The following IL22RA2 variants were observed in gnomAD, a reference collection of about 807,000 sequenced individuals.
IL22RA2 encodes interleukin 22 receptor subunit alpha 2.
Under a neutral mutation model 30.7 loss-of-function variants are expected in IL22RA2, and 39 were observed. The observed-to-expected ratio is 1.27, with a 90% confidence interval of 0.98 to 1.66. The LOEUF is 1.66. Among genes scored for constraint, IL22RA2 ranks in the 40% most tolerant of loss-of-function variants. The pLI is 0.00. For missense variants in IL22RA2, 315 were observed against 312.7 expected (o/e 1.01, Z -0.05); for synonymous variants, 103 against 105.0 (o/e 0.98, Z 0.11).
intron 1 of IL22RA2, among the ~76,000 whole-genome samples, chr6:137,167,584 C>A (rs1297199643): frequency 6.6e-6 from 1 of 152,220 alleles, no homozygotes. Flanking sequence ...TGGAACCCAA[C>A]CACTTTAGGG....
intron 3 of IL22RA2, among the ~76,000 whole-genome samples, chr6:137,157,729 G>C (rs1778437859): frequency 6.8e-6 from 1 of 147,966 alleles, no homozygotes; most frequent in African/African-American, 2.5e-5. Flanking sequence ...TTCAAGTCAA[G>C]AGTGTTTGTT....
In IL22RA2 at chr6:137,158,469, C is replaced by T. The variant is rs374860051; in HGVS notation, c.75G>A (p.Thr25=). 47 of 1,613,940 alleles carry T rather than the reference C, an allele frequency of 2.9e-5. No homozygotes were observed. Among genetic ancestry groups the T allele is most frequent in the African/African-American group, 1.6e-4 (12 of 74,900 alleles). ...CCCTCTGAGGCTTCAGAGACTCATGCGTTGACTGAGTTCCTAAGATAATAA... is the reference window on the plus strand; with the variant it reads ...CCCTCTGAGGCTTCAGAGACTCATGTGTTGACTGAGTTCCTAAGATAATAA... ...FLTGVAGTQS[T]HESLKPQRVQ... The change falls in exon 3 of 7, where the codon ACG becomes ACA. Residue 25 remains threonine, a synonymous_variant. Coordinates refer to ENST00000296980, the MANE Select transcript of IL22RA2 (RefSeq NM_052962.3).
intron 1 of IL22RA2, among the ~76,000 whole-genome samples, chr6:137,165,950 T>C (rs1778618182): frequency 6.6e-6 from 1 of 152,176 alleles, no homozygotes. Flanking sequence ...CTACCTAACC[T>C]TGGAGACTAT....
At position 137,171,974 on chromosome 6, in the gene IL22RA2, C is replaced by T. The variant is rs750948827; in HGVS notation, c.-66+1439G>A. 9.2e-5 allele frequency among the ~76,000 whole-genome samples: 14 copies of T among 152,280 alleles called. 1 individual carries two copies. Among genetic ancestry groups the T allele is most frequent in the South Asian group, 6.2e-4 (3 of 4,826 alleles). The stretch of plus-strand genomic sequence containing the variant: ...GCTTTGAAAGAAGAAACATGCAGCA[C>T]GTTTTATGTTCCCTTTTCACCTCTT... On this transcript the variant is annotated intron_variant, in intron 1 of 6. Transcript: ENST00000296980.
chr6:137,157,932 A>C (rs2114373473), intron 3 of IL22RA2, among the ~76,000 whole-genome samples: 1 of 152,356 alleles, frequency 6.6e-6, no homozygotes, highest in South Asian at 2.1e-4. Flanking sequence ...CTTTTAAATT[A>C]AAACCTTATT....
chr6:137,167,837 C>T (rs372656401), intron 1 of IL22RA2, among the ~76,000 whole-genome samples: 19 of 152,288 alleles, frequency 1.2e-4, no homozygotes, highest in Admixed American at 5.2e-4. Flanking sequence ...GGTCCACGCA[C>T]GGCTGAAGCT....
In IL22RA2 at chr6:137,145,659, G is replaced by C. The variant is rs1325892912; in HGVS notation, c.757C>G (p.Gln253Glu). 2 of 1,611,570 alleles carry C rather than the reference G, an allele frequency of 1.2e-6. No individual in the cohort carries two copies. The highest frequency in any genetic ancestry group is 2.2e-5 in the East Asian group (1 of 44,802). The change falls in exon 7 of 7, where the codon CAG becomes GAG. Residue 253 changes from glutamine (Q) to glutamate (E), a missense_variant. Transcript: ENST00000296980. The stretch of plus-strand genomic sequence containing the variant: ...TCCACACATCTCTCTTCACTTCTCT[G>C]ACTTCTTCTGTCTAACATGGGCTGA... ...IYQPMLDRRS[Q>E]RSEERCVEIP
At position 137,144,215 on chromosome 6, in the gene IL22RA2, CTGCGTCTA is replaced by C. The variant is rs2114337893; in HGVS notation, c.*1401_*1408del. 2 of 152,164 alleles carry C rather than the reference CTGCGTCTA, an allele frequency of 1.3e-5. No individual in the cohort carries two copies. Among genetic ancestry groups the C allele is most frequent in the African/African-American group, 4.8e-5 (2 of 41,508 alleles). The allele number at this position is 152,164 out of a possible 1,614,324, so 9.4% of individuals were successfully genotyped here. A position where few individuals can be genotyped will look rare whatever the true frequency, so the allele number is the denominator to read the frequency against. ...TCAAAGTAAATTTTTTTTTCAGTCT[CTGCGTCTA>C]TGCTCAAATCAATGTTTTCTGAGCA... On this transcript the variant is annotated 3_prime_UTR_variant, in exon 7 of 7. Coordinates refer to ENST00000296980, the MANE Select transcript of IL22RA2 (RefSeq NM_052962.3).
At chr6:137,155,633 T>C (rs537730367) in intron 4 of IL22RA2, among the ~76,000 whole-genome samples, 1 of 152,202 alleles carries the variant, frequency 6.6e-6, no homozygotes, top group South Asian at 2.1e-4. Context: ...GGGGGCAGAA[T>C]CCTCATGACC....
At chr6:137,168,661 G>C (rs1325104941) in intron 1 of IL22RA2, among the ~76,000 whole-genome samples, 1 of 152,150 alleles carries the variant, frequency 6.6e-6, no homozygotes, top group Non-Finnish European at 1.5e-5. Flanking sequence ...CTGTTTGCCA[G>C]CCAAGAGGAG....
chr6:137,153,071 G>C (rs1440589856), intron 5 of IL22RA2, among the ~76,000 whole-genome samples: 1 of 152,130 alleles, frequency 6.6e-6, no homozygotes, highest in Non-Finnish European at 1.5e-5. Flanking sequence ...TACAGATTTT[G>C]TTTATAGATT....
At chr6:137,167,103 G>C (rs114537613) in intron 1 of IL22RA2, among the ~76,000 whole-genome samples, 1 of 152,206 alleles carries the variant, frequency 6.6e-6, no homozygotes, top group Admixed American at 6.5e-5. Context: ...CCTAGATTTC[G>C]ACTGCCTCTA....
intron 2 of IL22RA2, 147 bp downstream of exon 2, chr6:137,161,542 A>T (rs1376580330): frequency 1.5e-6 from 1 of 656,266 alleles, no homozygotes; most frequent in Non-Finnish European, 2.7e-6. Context: ...GATAGACACT[A>T]ACCCCATGCC....
intron 2 of IL22RA2, among the ~76,000 whole-genome samples, chr6:137,159,622 C>T (rs1778480718): frequency 6.6e-6 from 1 of 152,220 alleles, no homozygotes; most frequent in African/African-American, 2.4e-5. Flanking sequence ...TGCACCCGGC[C>T]AGGAAGCATA....
At chr6:137,168,444 G>T (rs778015586) in intron 1 of IL22RA2, among the ~76,000 whole-genome samples, 1 of 152,076 alleles carries the variant, frequency 6.6e-6, no homozygotes, top group Non-Finnish European at 1.5e-5. Context: ...TAAAGGGCCC[G>T]TCTCCATATA....
chr6:137,149,673 C>T (rs145977491), intron 5 of IL22RA2, among the ~76,000 whole-genome samples: 26 of 152,310 alleles, frequency 1.7e-4, no homozygotes, highest in Admixed American at 3.3e-4. Context: ...TCAAAATGAT[C>T]TTTTCTATAC....
intron 5 of IL22RA2, among the ~76,000 whole-genome samples, chr6:137,149,709 A>T (rs1484059458): frequency 6.6e-6 from 1 of 152,234 alleles, no homozygotes; most frequent in African/African-American, 2.4e-5. Flanking sequence ...TGGCTCCTAA[A>T]TAAAATTATG....
intron 6 of IL22RA2, among the ~76,000 whole-genome samples, chr6:137,147,418 G>A (rs1375155637): frequency 1.3e-5 from 2 of 148,814 alleles, no homozygotes; most frequent in East Asian, 2.0e-4. Flanking sequence ...TAAATAAGGT[G>A]TGCAAAGCCC....
At position 137,167,396 on chromosome 6, in the gene IL22RA2, A is replaced by G. The variant is rs966491061; in HGVS notation, c.-65-5582T>C. Among the ~76,000 whole-genome samples, 5 of 152,228 alleles carry G rather than the reference A, an allele frequency of 3.3e-5. No homozygotes were observed. The East Asian group carries it at 5.8e-4, about 18-fold the overall frequency. On this transcript the variant is annotated intron_variant, in intron 1 of 6. Transcript: ENST00000296980. ...AAGATAGTGTTTGGCCGACACCCTG[A>G]TCATAACTCAGATAAACGGGGATTT...
Sources: allele counts gnomAD v4.1 joint callset (sites outside exome capture counted in the v4.1 genomes callset), GRCh38; gene constraint gnomAD v4.1.1; transcripts MANE v1.5; gene names NCBI Gene and HGNC (gene_info 2026-07-23, HGNC 2026-07-21).